The following RBPJ variants were observed in gnomAD, a reference collection of about 807,000 sequenced individuals.
RBPJ encodes the protein recombining binding protein suppressor of hairless.
In RBPJ, 9 loss-of-function variants were observed where a neutral mutation model predicts 67.8. That is an observed-to-expected ratio of 0.13 (90% CI 0.08 to 0.23). RBPJ has a LOEUF of 0.23. Among genes scored for constraint, RBPJ ranks in the 10% least tolerant of loss-of-function variants. The probability of loss-of-function intolerance (pLI) is 1.00; values close to 1 mark genes in which losing one functional copy is unlikely to be tolerated. For missense variants in RBPJ, 305 were observed against 595.6 expected (o/e 0.51, Z 5.08); for synonymous variants, 198 against 203.3 (o/e 0.97, Z 0.22).
intron 1 of RBPJ, among the ~76,000 whole-genome samples, chr4:26,252,850 A>G (rs569180118): frequency 6.6e-6 from 1 of 152,332 alleles, no homozygotes; most frequent in South Asian, 2.1e-4. Flanking sequence ...AATGTCAGAG[A>G]ATAAATGATT....
chr4:26,212,799 C>G (rs75141465), intron 1 of RBPJ, among the ~76,000 whole-genome samples: 7,719 of 152,112 alleles, frequency 0.051, 330 homozygotes, highest in East Asian at 0.23. Flanking sequence ...GAGATCATAC[C>G]TTTTTTGTCC....
intron 1 of RBPJ, among the ~76,000 whole-genome samples, chr4:26,340,693 A>C (rs1272540012): frequency 6.6e-6 from 1 of 152,034 alleles, no homozygotes; most frequent in Non-Finnish European, 1.5e-5. Context: ...CCCCGTCTCT[A>C]CTAAAAATAT....
intron 1 of RBPJ, among the ~76,000 whole-genome samples, chr4:26,215,426 A>AGG (rs1718690754): frequency 9.2e-6 from 1 of 108,888 alleles, no homozygotes; most frequent in African/African-American, 4.2e-5. Flanking sequence ...GAAGGGAGGG[A>AGG]GGGAAGGGGA....
intron 1 of RBPJ, among the ~76,000 whole-genome samples, chr4:26,206,942 A>G (rs1305941878): frequency 6.6e-6 from 1 of 152,132 alleles, no homozygotes; most frequent in Non-Finnish European, 1.5e-5. Context: ...CTGAAAAATC[A>G]TGAACTCCAG....
Position 26,264,460 on chromosome 4 carries a change from C to T in RBPJ, c.-166-97986C>T, listed in dbSNP as rs2109254573. Reference sequence around the variant, plus strand: ...GCCATAGTGATCTTCGTAAACTGTCCATTTGATCCTTCCATTTTCTTTAAA... The same window carrying T: ...GCCATAGTGATCTTCGTAAACTGTCTATTTGATCCTTCCATTTTCTTTAAA... On this transcript the variant is annotated intron_variant, in intron 1 of 4. Coordinates refer to the RBPJ transcript ENST00000512351. This position sits in a 1 kb window ranked among gnomAD's most constrained non-coding sequence, Gnocchi z 4.1. Among the ~76,000 whole-genome samples, 1 of 152,200 alleles carries T rather than the reference C, an allele frequency of 6.6e-6. No homozygotes were observed. Among genetic ancestry groups the T allele is most frequent in the East Asian group, 1.9e-4 (1 of 5,176 alleles).
chr4:26,270,421 G>GAAAGAAAGAAAGAAAGAAAGA, intron 1 of RBPJ, among the ~76,000 whole-genome samples: 1 of 53,486 alleles, frequency 1.9e-5, no homozygotes, highest in Admixed American at 2.6e-4. Context: ...AAGAAAGAAA[G>GAAAGAAAGAAAGAAAGAAAGA]AAAGAAAGAA....
chr4:26,271,063 C>A (rs1385582484), intron 1 of RBPJ, among the ~76,000 whole-genome samples: 2 of 151,952 alleles, frequency 1.3e-5, no homozygotes, highest in African/African-American at 4.8e-5. Context: ...TCTTTCTGTG[C>A]CTAATTTATT....
At chr4:26,360,457 G>C (rs566330171) in intron 1 of RBPJ, among the ~76,000 whole-genome samples, 4 of 152,202 alleles carry the variant, frequency 2.6e-5, no homozygotes, top group African/African-American at 7.2e-5. Context: ...ATTGTGTTGC[G>C]GGCTTTGGTG....
the RBPJ span, among the ~76,000 whole-genome samples, chr4:26,116,314 A>G: frequency 6.6e-6 from 1 of 152,254 alleles, no homozygotes; most frequent in Non-Finnish European, 1.5e-5. Flanking sequence ...GCTGGTCCTC[A>G]TTATATGGAA....
At chr4:26,417,310 A>T (rs1208086851) in intron 4 of RBPJ, among the ~76,000 whole-genome samples, 1 of 152,242 alleles carries the variant, frequency 6.6e-6, no homozygotes, top group East Asian at 1.9e-4. Context: ...CTTTCGCAGC[A>T]TTGTGGCTTA....
In RBPJ at chr4:26,180,241, G is replaced by C. The variant is rs10023222; in HGVS notation, c.-167+16627G>C. ...ATTGGGTACTAGGCTTAGTACCTGG[G>C]TGACGAAATAATTGATATAACAAAC... On this transcript the variant is annotated intron_variant, in intron 1 of 4. Transcript: ENST00000512351. Among the ~76,000 whole-genome samples the C allele has an allele frequency of 9.8e-3, 1,492 of 151,882 alleles. 16 individuals carry two copies. The highest frequency in any genetic ancestry group is 0.034 in the African/African-American group (1,422 of 41,372).
intron 1 of RBPJ, among the ~76,000 whole-genome samples, chr4:26,248,357 T>A (rs1719995501): frequency 6.6e-6 from 1 of 152,216 alleles, no homozygotes; most frequent in Non-Finnish European, 1.5e-5. Context: ...GGTTTCATAT[T>A]TTTAACTGAC....
intron 1 of RBPJ, among the ~76,000 whole-genome samples, chr4:26,244,704 T>G (rs190246869): frequency 8.8e-4 from 134 of 152,232 alleles, no homozygotes; most frequent in African/African-American, 2.9e-3. Context: ...CTCAGCTTGC[T>G]GCAACCTCTG....
chr4:26,269,227 A>T (rs1288080133), intron 1 of RBPJ, among the ~76,000 whole-genome samples: 1 of 149,550 alleles, frequency 6.7e-6, no homozygotes, highest in Non-Finnish European at 1.5e-5. Context: ...TTATTTATTT[A>T]ATTTATTTTT....
At chr4:26,361,670 G>A (rs937954793) in intron 1 of RBPJ, among the ~76,000 whole-genome samples, 14 of 152,234 alleles carry the variant, frequency 9.2e-5, no homozygotes, top group Admixed American at 4.6e-4. Flanking sequence ...TTATTGATCA[G>A]TTATCAGTTT....
chr4:26,299,497 A>G (rs1486525961), intron 1 of RBPJ, among the ~76,000 whole-genome samples: 1 of 152,174 alleles, frequency 6.6e-6, no homozygotes, highest in Non-Finnish European at 1.5e-5. Context: ...GTGAACTAAT[A>G]TAGCATTTTA....
chr4:26,396,847 C>T (rs1232727585), intron 2 of RBPJ, among the ~76,000 whole-genome samples: 1 of 152,232 alleles, frequency 6.6e-6, no homozygotes. Flanking sequence ...TCCTTAGGAA[C>T]AGGACCTGTA....
chr4:26,265,108 A>C (rs189936354), intron 1 of RBPJ, among the ~76,000 whole-genome samples: 1 of 152,352 alleles, frequency 6.6e-6, no homozygotes, highest in East Asian at 1.9e-4. Flanking sequence ...ATAGTTTGTC[A>C]ATAATTTTCT....
At chr4:26,170,473 C>T (rs552918098) in intron 1 of RBPJ, among the ~76,000 whole-genome samples, 20 of 151,126 alleles carry the variant, frequency 1.3e-4, no homozygotes, top group Admixed American at 7.3e-4. Context: ...CCAGGGAGGC[C>T]GGCCAAGGCT....
Sources: allele counts gnomAD v4.1 joint callset (sites outside exome capture counted in the v4.1 genomes callset), GRCh38; gene constraint gnomAD v4.1.1; non-coding constraint Gnocchi (gnomAD v3.1); transcripts MANE v1.5; gene names NCBI Gene and HGNC (gene_info 2026-07-23, HGNC 2026-07-21).